The following CACNA2D3 variants were observed in gnomAD, a reference collection of about 807,000 sequenced individuals.
CACNA2D3 encodes calcium voltage-gated channel auxiliary subunit alpha2delta 3, also known as voltage-dependent calcium channel subunit alpha-2/delta-3.
A neutral mutation model predicts 160.6 loss-of-function variants in CACNA2D3; 60 were observed. That is an observed-to-expected ratio of 0.37 (90% CI 0.30 to 0.46). CACNA2D3 has a LOEUF of 0.46. CACNA2D3 is among the 20% of genes least tolerant of loss of function. The probability of loss-of-function intolerance (pLI) is 1.00; values close to 1 mark genes in which losing one functional copy is unlikely to be tolerated. For synonymous variants in CACNA2D3, 558 were observed against 492.9 expected, an observed-to-expected ratio of 1.13 and a Z score of -1.75; for missense variants, 1,205 against 1,365.0, an observed-to-expected ratio of 0.88 and a Z score of 1.85.
intron 11 of CACNA2D3, among the ~76,000 whole-genome samples, chr3:54,642,625 A>G (rs191276937): frequency 1.6e-4 from 25 of 151,988 alleles, no homozygotes; most frequent in Non-Finnish European, 2.8e-4. Flanking sequence ...TCCTTTACAT[A>G]TTGTGTTTGT....
At chr3:54,455,382 A>C (rs889832130) in intron 4 of CACNA2D3, among the ~76,000 whole-genome samples, 2 of 152,084 alleles carry the variant, frequency 1.3e-5, no homozygotes, top group African/African-American at 4.8e-5. Flanking sequence ...TGTATGCCAG[A>C]TTATTTTGAG....
intron 9 of CACNA2D3, chr3:54,626,682 GTCAAA>G: frequency 9.6e-6 from 3 of 312,092 alleles, no homozygotes; most frequent in Non-Finnish European, 1.5e-5. Context: ...CATGGTTCCA[GTCAAA>G]AAAAAAAAAA....
chr3:54,985,745 C>G (rs1342883448), intron 30 of CACNA2D3, among the ~76,000 whole-genome samples: 1 of 152,170 alleles, frequency 6.6e-6, no homozygotes, highest in Non-Finnish European at 1.5e-5. Context: ...AGTGTGGCTT[C>G]TTAGGGTCTG....
At chr3:54,924,586 A>G (rs761989104) in intron 27 of CACNA2D3, 9 of 1,525,862 alleles carry the variant, frequency 5.9e-6, no homozygotes, top group Non-Finnish European at 8.1e-6. Context: ...CTGGTAACAC[A>G]CAGATGGGGG....
intron 5 of CACNA2D3, among the ~76,000 whole-genome samples, chr3:54,521,510 T>C (rs1296401162): frequency 6.6e-6 from 1 of 152,214 alleles, no homozygotes; most frequent in Non-Finnish European, 1.5e-5. Context: ...TTTTGCTTTC[T>C]GGATGATGCT....
intron 2 of CACNA2D3, among the ~76,000 whole-genome samples, chr3:54,196,121 T>G (rs1421919111): frequency 6.6e-6 from 1 of 152,256 alleles, no homozygotes; most frequent in Non-Finnish European, 1.5e-5. Flanking sequence ...CTGACTGTTT[T>G]GCCATGCCTT....
intron 11 of CACNA2D3, among the ~76,000 whole-genome samples, chr3:54,671,276 C>T (rs975024104): frequency 1.3e-5 from 2 of 151,736 alleles, no homozygotes; most frequent in Non-Finnish European, 2.9e-5. Context: ...TGTTTCCCTC[C>T]ATTTCCAGTC....
chr3:54,174,090 G>T (rs910188082), intron 2 of CACNA2D3, among the ~76,000 whole-genome samples: 1 of 152,162 alleles, frequency 6.6e-6, no homozygotes, highest in African/African-American at 2.4e-5. Flanking sequence ...CTATATATTT[G>T]TAGCACGACA....
chr3:54,632,126 A>G (rs751216487), intron 10 of CACNA2D3: 1 of 152,214 alleles, frequency 6.6e-6, no homozygotes, highest in Non-Finnish European at 1.5e-5. Context: ...AAAAGATATT[A>G]CTCATCAAAC....
intron 9 of CACNA2D3, among the ~76,000 whole-genome samples, chr3:54,582,676 TC>T (rs753728465): frequency 1.6e-4 from 24 of 152,066 alleles, no homozygotes; most frequent in Non-Finnish European, 3.4e-4. Flanking sequence ...GAGCTGCTCT[TC>T]CCCTGGAGAG....
chr3:54,323,065 G>A (rs1352748968), intron 3 of CACNA2D3, among the ~76,000 whole-genome samples: 4 of 152,152 alleles, frequency 2.6e-5, no homozygotes, highest in African/African-American at 9.7e-5. Context: ...AAGAGAGTTT[G>A]TATGTCACGT....
chr3:54,468,293 A>G lies in CACNA2D3; in HGVS notation c.382-35199A>G, dbSNP rs114107438. Among the ~76,000 whole-genome samples the G allele has an allele frequency of 3.9e-3, 600 of 152,330 alleles. 4 individuals are homozygous for G. The highest frequency in any genetic ancestry group is 0.014 in the African/African-American group (570 of 41,576). ...CAGCCCGTGGAGGGTGAGCTGAAGC[A>G]GAGTAGGGCTTTGCCTCACCTGGGA... On this transcript the variant is annotated intron_variant, in intron 4 of 37. Transcript: ENST00000474759.
rs1248637239 is a variant in CACNA2D3, at chr3:54,514,217, GA to G, written c.544+10564del. Among the ~76,000 whole-genome samples, 3 of 152,132 alleles carry G rather than the reference GA, an allele frequency of 2.0e-5. No homozygotes were observed. In the East Asian group the frequency reaches 5.8e-4, roughly 29 times the overall value. ...GGGTACCAACTGCTCACACATAGGG[GA>G]TATTTCTGTTGGGAATGAGACAGTT... On this transcript the variant is annotated intron_variant, in intron 5 of 37. Transcript: ENST00000474759.
chr3:54,287,040 T>A (rs1703047523), intron 2 of CACNA2D3, among the ~76,000 whole-genome samples: 1 of 152,000 alleles, frequency 6.6e-6, no homozygotes, highest in Admixed American at 6.5e-5. Context: ...AATCACCAGC[T>A]AACATCATAA....
chr3:54,279,793 T>G (rs2107461126), intron 2 of CACNA2D3, among the ~76,000 whole-genome samples: 1 of 152,216 alleles, frequency 6.6e-6, no homozygotes, highest in South Asian at 2.1e-4. Flanking sequence ...GTCTTGAGGG[T>G]TTGGGCTTTG....
At chr3:54,808,838 C>T (rs1703204892) in intron 13 of CACNA2D3, among the ~76,000 whole-genome samples, 2 of 152,156 alleles carry the variant, frequency 1.3e-5, no homozygotes, top group South Asian at 4.1e-4. Context: ...GATACCAGGT[C>T]TGTAGGGTCA....
chr3:54,212,910 T>G (rs1701401212), intron 2 of CACNA2D3, among the ~76,000 whole-genome samples: 1 of 152,092 alleles, frequency 6.6e-6, no homozygotes, highest in Non-Finnish European at 1.5e-5. Context: ...AGAGGATTAA[T>G]GAGATGATGC....
intron 11 of CACNA2D3, among the ~76,000 whole-genome samples, chr3:54,647,870 A>G (rs902484787): frequency 6.6e-6 from 1 of 152,180 alleles, no homozygotes; most frequent in Non-Finnish European, 1.5e-5. Flanking sequence ...CTATTTATTC[A>G]TTTATTGGAT....
At chr3:55,015,019 G>A (rs1703299386) in intron 34 of CACNA2D3, among the ~76,000 whole-genome samples, 1 of 152,150 alleles carries the variant, frequency 6.6e-6, no homozygotes, top group African/African-American at 2.4e-5. Context: ...CCCTACAATT[G>A]TCAAAGGAAA....
Sources: gnomAD v4.1 joint callset for allele counts (sites outside exome capture counted in the v4.1 genomes callset) on GRCh38, gnomAD v4.1.1 for gene constraint, MANE v1.5 for transcripts, NCBI Gene and HGNC (gene_info 2026-07-23, HGNC 2026-07-21) for gene names.